Variants in ZNF678 observed in about 807,000 individuals in gnomAD.
The protein encoded by ZNF678 is hypothetical protein MGC42493.
In ZNF678, 5 loss-of-function variants were observed where a neutral mutation model predicts 3.0. The observed-to-expected ratio is 1.69, with a 90% CI of 0.88 to 3.56. The LOEUF (loss-of-function observed/expected upper bound fraction) is 3.56, where lower values mean the gene tolerates loss of function less well. Among genes scored for constraint, ZNF678 ranks in the 30% most tolerant of loss-of-function variants. ZNF678 has a pLI of 0.00. For synonymous variants in ZNF678, 218 were observed against 199.6 expected, an observed-to-expected ratio of 1.09 and a Z score of -0.78; for missense variants, 593 against 605.0, an observed-to-expected ratio of 0.98 and a Z score of 0.21.
At chr1:227,584,326 C>G (rs188053997) in intron 1 of ZNF678, among the ~76,000 whole-genome samples, 1 of 152,120 alleles carries the variant, frequency 6.6e-6, no homozygotes, top group African/African-American at 2.4e-5. Flanking sequence ...CTTGGTGATA[C>G]AAGAACTTCC....
downstream of ZNF678, among the ~76,000 whole-genome samples, chr1:227,665,270 G>A (rs116219038): frequency 4.0e-3 from 615 of 152,284 alleles, 5 homozygotes; most frequent in African/African-American, 0.014. Context: ...CTGAATTAGA[G>A]GTTAAAATCC....
downstream of ZNF678, among the ~76,000 whole-genome samples, chr1:227,664,029 C>T (rs1304613734): frequency 6.6e-6 from 1 of 152,176 alleles, no homozygotes; most frequent in East Asian, 1.9e-4. Context: ...AAGAGAGTGC[C>T]TTGCAGCTAG....
chr1:227,570,449 T>C (rs1239336138), intron 1 of ZNF678, among the ~76,000 whole-genome samples: 1 of 152,230 alleles, frequency 6.6e-6, no homozygotes, highest in East Asian at 1.9e-4. Context: ...ACTTCATTAA[T>C]CAAAGGGCCT....
intron 1 of ZNF678, among the ~76,000 whole-genome samples, chr1:227,606,437 G>A (rs1447890871): frequency 6.6e-6 from 1 of 152,166 alleles, no homozygotes; most frequent in Middle Eastern, 3.2e-3. Context: ...AGCATATCTT[G>A]CCTCCAGCCA....
At chr1:227,576,814 G>C (rs974565908) in intron 1 of ZNF678, among the ~76,000 whole-genome samples, 1 of 151,210 alleles carries the variant, frequency 6.6e-6, no homozygotes. Flanking sequence ...AGTCATTTTA[G>C]TTGTGATGTT....
chr1:227,574,767 G>C (rs1428872694), intron 1 of ZNF678, among the ~76,000 whole-genome samples: 1 of 152,026 alleles, frequency 6.6e-6, no homozygotes, highest in East Asian at 1.9e-4. Context: ...TGCCTAGGTT[G>C]TCTTCTGGGG....
intron 1 of ZNF678, among the ~76,000 whole-genome samples, chr1:227,642,463 C>CA (rs1658844261): frequency 2.6e-5 from 4 of 152,276 alleles, no homozygotes; most frequent in African/African-American, 9.6e-5. Context: ...GTCATGACCA[C>CA]AACTACACCT....
intron 1 of ZNF678, among the ~76,000 whole-genome samples, chr1:227,619,957 A>G (rs1349395671): frequency 2.6e-5 from 4 of 152,196 alleles, no homozygotes; most frequent in African/African-American, 4.8e-5. Context: ...AACCCCACAC[A>G]TTTGATGCCC....
chr1:227,581,407 G>A (rs10159323), intron 1 of ZNF678, among the ~76,000 whole-genome samples: 149,422 of 152,248 alleles, frequency 0.98, 73,384 homozygotes, highest in Middle Eastern at 1. Flanking sequence ...ATTAAAGGAA[G>A]CATGGATTAC....
chr1:227,601,899 AT>A (rs1216268468), intron 1 of ZNF678, among the ~76,000 whole-genome samples: 1 of 152,064 alleles, frequency 6.6e-6, no homozygotes, highest in Non-Finnish European at 1.5e-5. Flanking sequence ...AATGCTAGTA[AT>A]TTTTGTACAT....
chr1:227,609,302 T>C (rs1349016262), intron 1 of ZNF678, among the ~76,000 whole-genome samples: 1 of 152,154 alleles, frequency 6.6e-6, no homozygotes, highest in African/African-American at 2.4e-5. Context: ...TATAAACATT[T>C]GAAAAATATA....
At chr1:227,599,114 A>G (rs542737465) in intron 1 of ZNF678, 28 of 1,580,292 alleles carry the variant, frequency 1.8e-5, no homozygotes, top group Middle Eastern at 2.3e-4. Context: ...CGCCATTGCT[A>G]TTGGGTTTAT....
intron 1 of ZNF678, among the ~76,000 whole-genome samples, chr1:227,621,974 C>A (rs1390385609): frequency 6.6e-6 from 1 of 152,164 alleles, no homozygotes; most frequent in African/African-American, 2.4e-5. Flanking sequence ...AGACAGCAGG[C>A]CCTGAAGGAA....
chr1:227,647,001 A>G (rs1011560338), intron 2 of ZNF678, among the ~76,000 whole-genome samples: 7 of 152,066 alleles, frequency 4.6e-5, no homozygotes, highest in African/African-American at 1.4e-4. Context: ...CTGAGAACCT[A>G]TATGTTTTTG....
chr1:227,587,741 TCTC>T (rs1271247098), intron 1 of ZNF678, among the ~76,000 whole-genome samples: 1 of 151,912 alleles, frequency 6.6e-6, no homozygotes, highest in Non-Finnish European at 1.5e-5. Flanking sequence ...ATTTGGAGCT[TCTC>T]CTCCATGCCT....
chr1:227,592,515 G>A (rs188316428), intron 1 of ZNF678, among the ~76,000 whole-genome samples: 1 of 152,308 alleles, frequency 6.6e-6, no homozygotes, highest in Non-Finnish European at 1.5e-5. Flanking sequence ...GGATTTGTCA[G>A]GTCAGGAAGC....
chr1:227,576,745 G>C (rs61833183), intron 1 of ZNF678, among the ~76,000 whole-genome samples: 2 of 152,226 alleles, frequency 1.3e-5, no homozygotes, highest in Admixed American at 1.3e-4. Context: ...CTTCAGTTCA[G>C]CTCTGATTTT....
chr1:227,591,643 A>C (rs1252537880), intron 1 of ZNF678, among the ~76,000 whole-genome samples: 1 of 152,120 alleles, frequency 6.6e-6, no homozygotes, highest in East Asian at 1.9e-4. Flanking sequence ...TCTTATTTTA[A>C]AAACTGTGGT....
At chr1:227,564,880 C>A (rs12131517) in intron 1 of ZNF678, among the ~76,000 whole-genome samples, 29,509 of 151,342 alleles carry the variant, frequency 0.19, 3,027 homozygotes, top group East Asian at 0.25. Context: ...TACAGACCCG[C>A]GCCACCACCC....
Sources: gnomAD v4.1 joint callset for allele counts (sites outside exome capture counted in the v4.1 genomes callset) on GRCh38, gnomAD v4.1.1 for gene constraint, MANE v1.5 for transcripts, NCBI Gene and HGNC (gene_info 2026-07-23, HGNC 2026-07-21) for gene names.